The following CLPB variants were observed in gnomAD, a reference collection of about 807,000 sequenced individuals.
CLPB encodes mitochondrial disaggregase.
A neutral mutation model predicts 78.4 loss-of-function variants in CLPB; 40 were observed. The observed-to-expected ratio is 0.51, with a 90% CI of 0.40 to 0.66. The LOEUF (loss-of-function observed/expected upper bound fraction) is 0.66. CLPB is among the 30% of genes least tolerant of loss of function. The probability of loss-of-function intolerance (pLI) is 0.00; values close to 1 mark genes in which losing one functional copy is unlikely to be tolerated. For synonymous variants in CLPB, 333 were observed against 348.0 expected (o/e 0.96, Z 0.48); for missense variants, 780 against 886.9 (o/e 0.88, Z 1.53).
At chr11:72,394,157 A>T (rs1320730664) in intron 3 of CLPB, among the ~76,000 whole-genome samples, 2 of 152,222 alleles carry the variant, frequency 1.3e-5, no homozygotes, top group African/African-American at 2.4e-5. Context: ...CAAATATCTT[A>T]CTAAAAGCCT....
intron 4 of CLPB, among the ~76,000 whole-genome samples, chr11:72,370,072 C>A (rs989251135): frequency 2.0e-5 from 3 of 152,124 alleles, no homozygotes; most frequent in South Asian, 4.1e-4. Flanking sequence ...AAATTTCAGC[C>A]CTCTGTCTCC....
intron 1 of CLPB, among the ~76,000 whole-genome samples, chr11:72,432,005 G>T (rs900496130): frequency 1.3e-5 from 2 of 152,162 alleles, no homozygotes; most frequent in African/African-American, 4.8e-5. Flanking sequence ...ACTGGACTCA[G>T]AACATTCCCT....
At chr11:72,303,450 G>T (rs1163235790) in intron 9 of CLPB, among the ~76,000 whole-genome samples, 1 of 152,188 alleles carries the variant, frequency 6.6e-6, no homozygotes, top group Non-Finnish European at 1.5e-5. Flanking sequence ...AAGAACCCTG[G>T]GCTGGGAGCC....
intron 4 of CLPB, 179 bp from the exon 5 acceptor site, chr11:72,359,187 G>A (rs1250152417): frequency 1.2e-6 from 1 of 807,918 alleles, no homozygotes; most frequent in Non-Finnish European, 2.1e-6. Flanking sequence ...ACAGAGGCCA[G>A]TTAGTTCCAC....
intron 11 of CLPB, among the ~76,000 whole-genome samples, chr11:72,297,639 GT>G (rs1471357470): frequency 1.1e-3 from 25 of 21,772 alleles, no homozygotes; most frequent in Middle Eastern, 0.022. Flanking sequence ...GGGACCAGGT[GT>G]GTGTGTGTGT....
At chr11:72,354,542 G>A in intron 5 of CLPB, 1 of 380,186 alleles carries the variant, frequency 2.6e-6, no homozygotes, top group Non-Finnish European at 4.6e-6. Context: ...GAAGTATGAG[G>A]CTCCAGCCAC....
At chr11:72,393,389 G>A (rs976761807) in intron 3 of CLPB, among the ~76,000 whole-genome samples, 3 of 152,154 alleles carry the variant, frequency 2.0e-5, no homozygotes, top group Non-Finnish European at 2.9e-5. Flanking sequence ...ATTAATAACA[G>A]CAGCAGATAC....
At chr11:72,315,326 A>C (rs553443107) in intron 7 of CLPB, among the ~76,000 whole-genome samples, 2 of 152,262 alleles carry the variant, frequency 1.3e-5, no homozygotes, top group South Asian at 4.1e-4. Flanking sequence ...AGAGGTGCTG[A>C]GCTCCCAGGA....
intron 9 of CLPB, chr11:72,303,096 C>T (rs1949688817): frequency 6.6e-6 from 1 of 152,252 alleles, no homozygotes; most frequent in African/African-American, 2.4e-5. Context: ...AGAGTTAACA[C>T]AGGCAGAGTG....
chr11:72,336,817 G>C (rs898314145), intron 5 of CLPB: 1 of 345,770 alleles, frequency 2.9e-6, no homozygotes, highest in Admixed American at 4.8e-5. Context: ...CATTGAGAGA[G>C]AGAGTGGCAG....
At chr11:72,410,026 T>G (rs1019768590) in intron 2 of CLPB, among the ~76,000 whole-genome samples, 1 of 150,978 alleles carries the variant, frequency 6.6e-6, no homozygotes, top group South Asian at 2.1e-4. Context: ...GTCAGGAGTT[T>G]GAGACCAGCC....
intron 5 of CLPB, chr11:72,354,424 G>A: frequency 2.5e-6 from 1 of 398,310 alleles, no homozygotes; most frequent in Non-Finnish European, 4.4e-6. Context: ...TTAGAGATAT[G>A]TTTTAGGAAG....
chr11:72,317,294 C>T (rs894766007), intron 6 of CLPB, 74 bp from the exon 7 acceptor site: 9 of 1,135,784 alleles, frequency 7.9e-6, no homozygotes, highest in African/African-American at 6.3e-5. Context: ...TCCCCCAACT[C>T]GGGGAAAACA....
chr11:72,406,911 T>A (rs985537317), intron 2 of CLPB, among the ~76,000 whole-genome samples: 7 of 152,168 alleles, frequency 4.6e-5, no homozygotes, highest in Non-Finnish European at 8.8e-5. Flanking sequence ...GGTACGTGTG[T>A]GTGTGTATGT....
intron 5 of CLPB, chr11:72,354,420 A>G: frequency 5.0e-6 from 2 of 398,218 alleles, no homozygotes; most frequent in Non-Finnish European, 8.9e-6. Context: ...ATGATTAGAG[A>G]TATGTTTTAG....
chr11:72,368,749 A>G (rs1950989144), intron 4 of CLPB, among the ~76,000 whole-genome samples: 1 of 152,230 alleles, frequency 6.6e-6, no homozygotes, highest in Non-Finnish European at 1.5e-5. Context: ...TGATGGACAG[A>G]CACTGTGTCT....
At chr11:72,431,082 G>A (rs532956293) in intron 1 of CLPB, among the ~76,000 whole-genome samples, 1 of 152,356 alleles carries the variant, frequency 6.6e-6, no homozygotes, top group South Asian at 2.1e-4. Context: ...CCAAAGCAGA[G>A]GAGACACTAA....
At position 72,373,004 on chromosome 11, in the gene CLPB, C is replaced by T. The variant is rs765132638; in HGVS notation, c.646+7277G>A. 5 of 1,614,094 alleles carry T rather than the reference C, an allele frequency of 3.1e-6. No individual in the cohort carries two copies. In the Admixed American group the frequency reaches 8.3e-5, roughly 27 times the overall value. ...TTGTGATGTGCCGGCTTGCACCGTCCTGTCCCCCATCTGAAGACACAGAGA... is the reference window on the plus strand; with the variant it reads ...TTGTGATGTGCCGGCTTGCACCGTCTTGTCCCCCATCTGAAGACACAGAGA... On this transcript the variant is annotated intron_variant, in intron 4 of 15. Transcript: ENST00000538039.
chr11:72,375,284 T>G (rs778087209), intron 4 of CLPB, among the ~76,000 whole-genome samples: 2 of 152,184 alleles, frequency 1.3e-5, no homozygotes, highest in Non-Finnish European at 2.9e-5. Context: ...GAATTCGACA[T>G]TGCCCTGCTT....
Sources: gnomAD v4.1 joint callset for allele counts (sites outside exome capture counted in the v4.1 genomes callset) on GRCh38, gnomAD v4.1.1 for gene constraint, MANE v1.5 for transcripts, NCBI Gene and HGNC (gene_info 2026-07-23, HGNC 2026-07-21) for gene names.